Variants in NCOA1 observed in about 807,000 individuals in gnomAD.
The protein encoded by NCOA1 is Hin-2 protein.
NCOA1 carries 35 observed loss-of-function variants against 150.9 expected under a neutral mutation model. That is an observed-to-expected ratio of 0.23 (90% confidence interval 0.18 to 0.31). The LOEUF (loss-of-function observed/expected upper bound fraction) is 0.31. NCOA1 is among the 10% of genes least tolerant of loss of function. The probability of loss-of-function intolerance (pLI) is 1.00; values close to 1 mark genes in which losing one functional copy is unlikely to be tolerated. For synonymous variants in NCOA1, 590 were observed against 630.0 expected (o/e 0.94, Z 0.95); for missense variants, 1,491 against 1,749.3 (o/e 0.85, Z 2.63).
chr2:24,551,350 G>A (rs1014598771), intron 1 of NCOA1, among the ~76,000 whole-genome samples: 6 of 152,074 alleles, frequency 3.9e-5, no homozygotes, highest in Admixed American at 6.5e-5. Context: ...TTTATGTCCT[G>A]AAAACAAGTC....
chr2:24,748,629 A>G (rs1231390886), intron 19 of NCOA1, among the ~76,000 whole-genome samples: 6 of 102,932 alleles, frequency 5.8e-5, no homozygotes, highest in Non-Finnish European at 1.2e-4. Context: ...AAAAAAAAAA[A>G]AAAAAATGTA....
In NCOA1 at chr2:24,741,949, C is replaced by G. The variant is rs529742458; in HGVS notation, c.3469C>G (p.Pro1157Ala). Residue 1157 changes from proline (P) to alanine (A), a missense_variant, in exon 19 of 23, where the codon CCC (proline) becomes GCC (alanine). Coordinates refer to ENST00000348332, the MANE Select transcript of NCOA1 (RefSeq NM_003743.5). ...TGGACTACCAGTTCAAATGGGGAACCCCCGTCTTCCTCAGGGTGCTCCACA... is the reference window on the plus strand; with the variant it reads ...TGGACTACCAGTTCAAATGGGGAACGCCCGTCTTCCTCAGGGTGCTCCACA... ...SSGLPVQMGN[P>A]RLPQGAPQQF... 1.3e-4 allele frequency: 205 copies of G among 1,614,214 alleles called. 1 individual carries two copies. The South Asian group carries it at 2.1e-3, about 16-fold the overall frequency.
At chr2:24,665,594 A>G (rs1432028929) in intron 5 of NCOA1, among the ~76,000 whole-genome samples, 155 bp from the exon 6 acceptor site, 1 of 152,164 alleles carries the variant, frequency 6.6e-6, no homozygotes, top group Non-Finnish European at 1.5e-5. Context: ...TGTAATGTCC[A>G]CTTTTTAGAT....
At chr2:24,747,299 G>A (rs1032180225) in intron 19 of NCOA1, among the ~76,000 whole-genome samples, 29 of 145,452 alleles carry the variant, frequency 2.0e-4, no homozygotes, top group African/African-American at 6.9e-4. Flanking sequence ...ATCTTTTCCC[G>A]CTCACATATT....
At chr2:24,571,711 A>T (rs867519804) in intron 2 of NCOA1, among the ~76,000 whole-genome samples, 40 of 152,188 alleles carry the variant, frequency 2.6e-4, no homozygotes, top group Middle Eastern at 6.8e-3. Flanking sequence ...TATAATTTTG[A>T]TTTTGTAAGT....
chr2:24,607,981 C>T (rs943841008), intron 3 of NCOA1, among the ~76,000 whole-genome samples: 1 of 151,986 alleles, frequency 6.6e-6, no homozygotes, highest in Non-Finnish European at 1.5e-5. Flanking sequence ...ATACCAAGAA[C>T]ACAAAACAAA....
Position 24,629,817 on chromosome 2 carries a change from C to CATATATAG in NCOA1, c.-174-14142_-174-14141insGATATATA, listed in dbSNP as rs1669612509. 1.4e-4 allele frequency among the ~76,000 whole-genome samples: 11 copies of CATATATAG among 79,350 alleles called. No homozygotes were observed. The South Asian group carries it at 4.0e-3, about 29-fold the overall frequency. 52.1% of individuals were successfully genotyped at this position (79,350 alleles called of 152,430 possible). A position where few individuals can be genotyped will look rare whatever the true frequency, so the allele number is the denominator to read the frequency against. ...GACACTGTTTTAAGTAACATACATA[C>CATATATAG]ATATATATATATATATATATATATA... On this transcript the variant is annotated intron_variant, in intron 3 of 22. Transcript: ENST00000348332.
chr2:24,737,098 A>T (rs1454424119), intron 17 of NCOA1, among the ~76,000 whole-genome samples: 2 of 152,210 alleles, frequency 1.3e-5, no homozygotes, highest in South Asian at 2.1e-4. Context: ...GTGTCTAAGG[A>T]CTAACAACTA....
intron 8 of NCOA1, among the ~76,000 whole-genome samples, chr2:24,687,249 G>A (rs1377244341): frequency 6.6e-6 from 1 of 151,956 alleles, no homozygotes; most frequent in Non-Finnish European, 1.5e-5. Context: ...GTAACATTCC[G>A]CAAGTAGCTT....
chr2:24,732,436 G>T (rs145194671), intron 17 of NCOA1, among the ~76,000 whole-genome samples: 165 of 152,222 alleles, frequency 1.1e-3, no homozygotes, highest in African/African-American at 3.9e-3. Flanking sequence ...GCCACATATC[G>T]GGGCCTGTTC....
At chr2:24,599,288 A>T (rs1478112672) in intron 3 of NCOA1, among the ~76,000 whole-genome samples, 1 of 152,232 alleles carries the variant, frequency 6.6e-6, no homozygotes, top group East Asian at 1.9e-4. Flanking sequence ...ACATTCTGAG[A>T]CACAAAATAT....
intron 1 of NCOA1, among the ~76,000 whole-genome samples, chr2:24,514,017 G>A (rs1236330364): frequency 2.6e-5 from 4 of 152,026 alleles, no homozygotes; most frequent in Admixed American, 6.6e-5. Context: ...GGCCAGGTGC[G>A]GTGGCTCATG....
At chr2:24,719,948 C>T (rs1674273826) in intron 14 of NCOA1, among the ~76,000 whole-genome samples, 1 of 152,090 alleles carries the variant, frequency 6.6e-6, no homozygotes, top group Non-Finnish European at 1.5e-5. Flanking sequence ...AGAGGAGGTT[C>T]GAACAAAGTG....
At chr2:24,587,549 T>C (rs948923023) in intron 3 of NCOA1, among the ~76,000 whole-genome samples, 6 of 152,242 alleles carry the variant, frequency 3.9e-5, no homozygotes, top group African/African-American at 1.4e-4. Context: ...CCTTGACTAT[T>C]ATAAGAACAG....
At chr2:24,692,377 T>A (rs1362280930) in intron 9 of NCOA1, among the ~76,000 whole-genome samples, 1 of 152,222 alleles carries the variant, frequency 6.6e-6, no homozygotes, top group East Asian at 1.9e-4. Flanking sequence ...CTTACTTGAT[T>A]AAAGTTCATT....
At chr2:24,732,626 G>A (rs1451338463) in intron 17 of NCOA1, among the ~76,000 whole-genome samples, 2 of 152,130 alleles carry the variant, frequency 1.3e-5, no homozygotes, top group Admixed American at 1.3e-4. Context: ...AAGAAAAAAA[G>A]ATCAACTCAG....
chr2:24,508,595 T>C (rs1283589178), intron 1 of NCOA1, among the ~76,000 whole-genome samples: 2 of 152,176 alleles, frequency 1.3e-5, no homozygotes, highest in Non-Finnish European at 2.9e-5. Flanking sequence ...AAGTCTTTTT[T>C]AAAATTTGTA....
At chr2:24,694,648 G>T (rs1247272223) in intron 10 of NCOA1, among the ~76,000 whole-genome samples, 1 of 152,090 alleles carries the variant, frequency 6.6e-6, no homozygotes, top group African/African-American at 2.4e-5. Flanking sequence ...AGCATGGAGA[G>T]ATGGCATCTA....
At chr2:24,634,838 A>G (rs780127973) in intron 3 of NCOA1, among the ~76,000 whole-genome samples, 46 of 150,232 alleles carry the variant, frequency 3.1e-4, no homozygotes, top group Non-Finnish European at 1.5e-4. Flanking sequence ...CAGCCCCCCA[A>G]CTGAGTAGCT....
Sources: gnomAD v4.1 joint callset for allele counts (sites outside exome capture counted in the v4.1 genomes callset) on GRCh38, gnomAD v4.1.1 for gene constraint, MANE v1.5 for transcripts, NCBI Gene and HGNC (gene_info 2026-07-23, HGNC 2026-07-21) for gene names.